Variants in RABGEF1 observed in about 807,000 individuals in gnomAD.
RABGEF1 encodes RAB guanine nucleotide exchange factor 1.
A neutral mutation model predicts 57.3 loss-of-function variants in RABGEF1; 26 were observed. The ratio of observed to expected loss-of-function variants is 0.45; its 90% confidence interval spans 0.33 to 0.63. The LOEUF (loss-of-function observed/expected upper bound fraction) is 0.63. Ranked by LOEUF, RABGEF1 falls within the 20% of genes least tolerant of loss-of-function variation. RABGEF1 has a pLI of 0.02. For missense variants in RABGEF1, 464 were observed against 607.6 expected (o/e 0.76, Z 2.48); for synonymous variants, 185 against 210.7 (o/e 0.88, Z 1.06).
rs992960396 is a variant in RABGEF1, at chr7:66,810,182, C to G, written c.*898C>G. ...GACGGGGTCCCTCAGCTGTGAGATG[C>G]AAGGGGCGCCTTGCAGCCTCCATAA... On this transcript the variant is annotated 3_prime_UTR_variant, in exon 9 of 9. Transcript: ENST00000284957. The G allele has an allele frequency of 3.9e-5, 6 of 152,164 alleles. No homozygotes were observed. Among genetic ancestry groups the G allele is most frequent in the Non-Finnish European group, 8.8e-5 (6 of 68,032 alleles). The allele number at this position is 152,164 out of a possible 1,614,324, so 9.4% of individuals were successfully genotyped here.
At chr7:66,762,053 CAAAA>C (rs1053284663) in intron 1 of RABGEF1, among the ~76,000 whole-genome samples, 3 of 146,130 alleles carry the variant, frequency 2.1e-5, no homozygotes, top group African/African-American at 7.6e-5. Context: ...GACCCTGTCT[CAAAA>C]AAAAACAAAA....
the RABGEF1 span, among the ~76,000 whole-genome samples, chr7:66,659,787 T>A: frequency 0.5 from 74,376 of 149,954 alleles, 19,231 homozygotes; most frequent in African/African-American, 0.64. Flanking sequence ...TCAAAAAAAA[T>A]AAATAAATAA....
intron 1 of RABGEF1, among the ~76,000 whole-genome samples, chr7:66,767,000 C>CTTTTT (rs34123866): frequency 3.0e-4 from 31 of 102,588 alleles, no homozygotes; most frequent in Admixed American, 4.6e-4. Context: ...TGTCAAGTTT[C>CTTTTT]TTTTTTTTTT....
chr7:66,658,094 G>C, the RABGEF1 span, among the ~76,000 whole-genome samples: 14 of 152,136 alleles, frequency 9.2e-5, no homozygotes, highest in African/African-American at 3.4e-4. Flanking sequence ...TGAAAATGAG[G>C]CCGTTACTGT....
At chr7:66,787,543 C>A (rs1033680020) in intron 4 of RABGEF1, among the ~76,000 whole-genome samples, 1 of 152,004 alleles carries the variant, frequency 6.6e-6, no homozygotes, top group Non-Finnish European at 1.5e-5. Flanking sequence ...TGGGGTGTTA[C>A]TCTGTTAGCC....
chr7:66,738,016 T>G (rs531921080), upstream of RABGEF1, among the ~76,000 whole-genome samples: 100 of 132,446 alleles, frequency 7.6e-4, no homozygotes, highest in African/African-American at 2.5e-3. Context: ...TGTTTTTTGT[T>G]TTTTTTGTTT....
At chr7:66,704,447 A>G (rs1793714844) in intron 1 of RABGEF1, among the ~76,000 whole-genome samples, 1 of 152,134 alleles carries the variant, frequency 6.6e-6, no homozygotes, top group African/African-American at 2.4e-5. Flanking sequence ...AAAACTGCCT[A>G]TCTATTTTCC....
intron 1 of RABGEF1, among the ~76,000 whole-genome samples, chr7:66,744,170 G>C (rs1177651400): frequency 6.6e-6 from 1 of 151,510 alleles, no homozygotes; most frequent in African/African-American, 2.4e-5. Context: ...TGAGTAGCTG[G>C]GACTGACCAT....
chr7:66,758,472 C>G (rs1583799603), intron 1 of RABGEF1, among the ~76,000 whole-genome samples: 1 of 152,290 alleles, frequency 6.6e-6, no homozygotes, highest in African/African-American at 2.4e-5. Context: ...CTCAACCAAG[C>G]TTCTATTTAT....
At chr7:66,654,789 C>G in the RABGEF1 span, among the ~76,000 whole-genome samples, 1 of 152,246 alleles carries the variant, frequency 6.6e-6, no homozygotes, top group African/African-American at 2.4e-5. Flanking sequence ...GTCCCACATT[C>G]CAGCCCCGTC....
intron 1 of RABGEF1, among the ~76,000 whole-genome samples, chr7:66,747,027 C>CA (rs1400832547): frequency 6.6e-6 from 1 of 151,816 alleles, no homozygotes; most frequent in Non-Finnish European, 1.5e-5. Context: ...TTTCTGACCT[C>CA]AGGTGATCCA....
chr7:66,727,216 A>G (rs1321649442), intron 2 of RABGEF1, among the ~76,000 whole-genome samples: 7 of 152,200 alleles, frequency 4.6e-5, no homozygotes, highest in Non-Finnish European at 4.4e-5. Context: ...TTTGCTGACT[A>G]ATGGAAGGTG....
At chr7:66,736,388 C>T (rs1049204716), upstream of RABGEF1, among the ~76,000 whole-genome samples, 48 of 152,252 alleles carry the variant, frequency 3.2e-4, no homozygotes, top group African/African-American at 1.1e-3. Flanking sequence ...CAGTGAACAA[C>T]CTATACCACT....
At chr7:66,761,461 A>G (rs1425024363) in intron 1 of RABGEF1, among the ~76,000 whole-genome samples, 1 of 152,208 alleles carries the variant, frequency 6.6e-6, no homozygotes, top group Non-Finnish European at 1.5e-5. Context: ...GGATCCAGGT[A>G]AAGGAGATGC....
chr7:66,741,717 A>G (rs2129048443), intron 1 of RABGEF1, among the ~76,000 whole-genome samples: 1 of 152,030 alleles, frequency 6.6e-6, no homozygotes. Flanking sequence ...ATTTTTTTCG[A>G]CATGGGATCT....
At chr7:66,776,434 T>G (rs940441732) in intron 3 of RABGEF1, among the ~76,000 whole-genome samples, 1 of 152,242 alleles carries the variant, frequency 6.6e-6, no homozygotes, top group African/African-American at 2.4e-5. Context: ...AGCTCAAGCC[T>G]GTAATCTCAG....
chr7:66,695,880 CACTT>C (rs1414467669), intron 1 of RABGEF1, among the ~76,000 whole-genome samples: 2 of 151,744 alleles, frequency 1.3e-5, no homozygotes, highest in Admixed American at 6.6e-5. Context: ...GCAGGAGTAT[CACTT>C]ACATCTGGGA....
chr7:66,732,688 G>A (rs1026818690), intron 2 of RABGEF1, among the ~76,000 whole-genome samples: 1 of 151,954 alleles, frequency 6.6e-6, no homozygotes, highest in African/African-American at 2.4e-5. Context: ...GACAAGCTGC[G>A]CTCTTGTGCT....
intron 8 of RABGEF1, chr7:66,807,762 C>G (rs1387032417): frequency 6.6e-6 from 1 of 152,288 alleles, no homozygotes; most frequent in East Asian, 1.9e-4. Context: ...CAACTCCACA[C>G]ACACCATGAG....
Sources: gnomAD v4.1 joint callset for allele counts (sites outside exome capture counted in the v4.1 genomes callset) on GRCh38, gnomAD v4.1.1 for gene constraint, MANE v1.5 for transcripts, NCBI Gene and HGNC (gene_info 2026-07-23, HGNC 2026-07-21) for gene names.